SLC35F1: variants seen among roughly 807,000 people sequenced by gnomAD.
SLC35F1 encodes chromosome 6 open reading frame 169.
A neutral mutation model predicts 48.7 loss-of-function variants in SLC35F1; 14 were observed. That is an observed-to-expected ratio of 0.29 (90% CI 0.19 to 0.45). The LOEUF (loss-of-function observed/expected upper bound fraction) is 0.45, where lower values mean the gene tolerates loss of function less well. Ranked by LOEUF, SLC35F1 falls within the 20% of genes least tolerant of loss-of-function variation. SLC35F1 has a pLI of 1.00. For synonymous variants in SLC35F1, 190 were observed against 202.2 expected (o/e 0.94, Z 0.51); for missense variants, 404 against 500.0 (o/e 0.81, Z 1.83).
intron 1 of SLC35F1, among the ~76,000 whole-genome samples, chr6:117,961,308 T>C (rs187977898): frequency 2.0e-5 from 3 of 152,298 alleles, no homozygotes; most frequent in East Asian, 3.9e-4. Context: ...ACTGAAACTA[T>C]TCAGAAAGCT....
chr6:117,937,515 T>C (rs1776176135), intron 1 of SLC35F1, among the ~76,000 whole-genome samples: 1 of 152,176 alleles, frequency 6.6e-6, no homozygotes, highest in Non-Finnish European at 1.5e-5. Flanking sequence ...CAAACACTTA[T>C]TTAAGGAAAA....
At chr6:118,313,819 T>G (rs1776398525) in intron 7 of SLC35F1, among the ~76,000 whole-genome samples, 1 of 152,198 alleles carries the variant, frequency 6.6e-6, no homozygotes, top group Non-Finnish European at 1.5e-5. Flanking sequence ...TCCTCTGTGT[T>G]AGCCACAGGG....
chr6:118,097,115 C>G (rs62423660), intron 1 of SLC35F1, among the ~76,000 whole-genome samples: 22,224 of 152,116 alleles, frequency 0.15, 2,090 homozygotes, highest in South Asian at 0.32. Flanking sequence ...AGCTATCATT[C>G]CCCTCTTCAG....
At chr6:118,020,440 A>G (rs893258783) in intron 1 of SLC35F1, among the ~76,000 whole-genome samples, 15 of 152,212 alleles carry the variant, frequency 9.9e-5, no homozygotes, top group African/African-American at 3.6e-4. Context: ...CTTCTGACTG[A>G]TAATTGTATG....
intron 6 of SLC35F1, among the ~76,000 whole-genome samples, chr6:118,277,819 A>G (rs960101198): frequency 6.7e-6 from 1 of 148,442 alleles, no homozygotes; most frequent in East Asian, 1.9e-4. Context: ...TTAAACACCA[A>G]CAGAAAAAAA....
intron 1 of SLC35F1, among the ~76,000 whole-genome samples, chr6:118,119,000 A>G (rs1490547894): frequency 6.6e-6 from 1 of 151,488 alleles, no homozygotes; most frequent in Non-Finnish European, 1.5e-5. Flanking sequence ...TAAAAATATA[A>G]TAAACCATTG....
chr6:118,016,015 G>T (rs974892038), intron 1 of SLC35F1, among the ~76,000 whole-genome samples: 15 of 152,134 alleles, frequency 9.9e-5, no homozygotes, highest in African/African-American at 3.6e-4. Context: ...ATTCCCTGGA[G>T]ATGATTTTAT....
intron 1 of SLC35F1, among the ~76,000 whole-genome samples, chr6:118,151,803 C>T (rs2114463563): frequency 1.3e-5 from 2 of 152,282 alleles, no homozygotes; most frequent in East Asian, 3.9e-4. Context: ...AGGTGTGAGC[C>T]ACTGCGCCTG....
At chr6:117,934,021 C>T (rs1021959631) in intron 1 of SLC35F1, among the ~76,000 whole-genome samples, 3 of 151,960 alleles carry the variant, frequency 2.0e-5, no homozygotes, top group African/African-American at 7.3e-5. Flanking sequence ...CATGGGTTTG[C>T]TCCGACAGAG....
chr6:118,255,254 G>A (rs1360294382), intron 3 of SLC35F1, among the ~76,000 whole-genome samples: 8 of 152,132 alleles, frequency 5.3e-5, no homozygotes, highest in African/African-American at 1.4e-4. Context: ...ACTATCTTTA[G>A]AACTCCATTT....
At chr6:118,072,489 G>A (rs561586360) in intron 1 of SLC35F1, among the ~76,000 whole-genome samples, 7 of 152,154 alleles carry the variant, frequency 4.6e-5, no homozygotes, top group South Asian at 2.1e-4. Flanking sequence ...GCGTGAACCT[G>A]GGAGGTGGAG....
chr6:118,230,175 AC>A (rs1198104751), intron 2 of SLC35F1, among the ~76,000 whole-genome samples: 1 of 152,042 alleles, frequency 6.6e-6, no homozygotes, highest in African/African-American at 2.4e-5. Context: ...CCTCATCTCT[AC>A]TAAAAATACA....
intron 1 of SLC35F1, among the ~76,000 whole-genome samples, chr6:118,010,883 T>A (rs572740843): frequency 8.1e-4 from 123 of 152,290 alleles, no homozygotes; most frequent in Non-Finnish European, 1.4e-3. Context: ...ACTCTCTCTC[T>A]CACACAGAGA....
intron 1 of SLC35F1, among the ~76,000 whole-genome samples, chr6:117,928,608 G>A (rs1314417013): frequency 6.6e-6 from 1 of 152,156 alleles, no homozygotes; most frequent in Non-Finnish European, 1.5e-5. Flanking sequence ...TTAATTAGAT[G>A]TATGCCAGAA....
chr6:118,031,170 T>C (rs573094422), intron 1 of SLC35F1, among the ~76,000 whole-genome samples: 1 of 152,338 alleles, frequency 6.6e-6, no homozygotes, highest in East Asian at 1.9e-4. Context: ...TTGAGGCAGA[T>C]GTGATTTGGA....
At chr6:118,231,017 A>G (rs1338866670) in intron 2 of SLC35F1, among the ~76,000 whole-genome samples, 2 of 152,122 alleles carry the variant, frequency 1.3e-5, no homozygotes, top group African/African-American at 4.8e-5. Context: ...CAAAAAAACA[A>G]TATCAAGATG....
chr6:117,968,011 A>G (rs1776592485), intron 1 of SLC35F1, among the ~76,000 whole-genome samples: 1 of 152,216 alleles, frequency 6.6e-6, no homozygotes, highest in Non-Finnish European at 1.5e-5. Flanking sequence ...TTATTTCTAA[A>G]ATAAATGACA....
intron 2 of SLC35F1, among the ~76,000 whole-genome samples, chr6:118,169,628 A>G (rs1369767441): frequency 6.6e-6 from 1 of 152,012 alleles, no homozygotes; most frequent in Non-Finnish European, 1.5e-5. Context: ...GACTGCTACT[A>G]CCACCTTTGA....
At chr6:118,215,083 T>A (rs1775054474) in intron 2 of SLC35F1, among the ~76,000 whole-genome samples, 1 of 152,152 alleles carries the variant, frequency 6.6e-6, no homozygotes. Context: ...TTAGCCTCTC[T>A]CCTGGGTCTG....
Sources: allele counts gnomAD v4.1 joint callset (sites outside exome capture counted in the v4.1 genomes callset), GRCh38; gene constraint gnomAD v4.1.1; transcripts MANE v1.5; gene names NCBI Gene and HGNC (gene_info 2026-07-23, HGNC 2026-07-21).